TMEM267: variants seen among roughly 807,000 people sequenced by gnomAD.
TMEM267 encodes transmembrane protein C5orf28.
A neutral mutation model predicts 19.3 loss-of-function variants in TMEM267; 20 were observed. The ratio of observed to expected loss-of-function variants is 1.04; its 90% CI spans 0.73 to 1.51. The LOEUF (loss-of-function observed/expected upper bound fraction) is 1.51. TMEM267 is among the 40% of genes most tolerant of loss of function. The probability of loss-of-function intolerance (pLI) is 0.00; values close to 1 mark genes in which losing one functional copy is unlikely to be tolerated. For missense variants in TMEM267, 242 were observed against 261.9 expected (o/e 0.92, Z 0.52); for synonymous variants, 88 against 90.3 (o/e 0.97, Z 0.15).
At chr5:43,457,031 GAACA>G (rs1340078761) in intron 1 of TMEM267, among the ~76,000 whole-genome samples, 14 of 152,144 alleles carry the variant, frequency 9.2e-5, no homozygotes, top group Admixed American at 4.6e-4. Context: ...GAATAAAAAG[GAACA>G]AACATGTGAT....
At chr5:43,469,678 C>T (rs971577790) in intron 1 of TMEM267, among the ~76,000 whole-genome samples, 9 of 152,148 alleles carry the variant, frequency 5.9e-5, no homozygotes, top group African/African-American at 2.2e-4. Context: ...AAATAAATCT[C>T]GGGACCCTGA....
intron 2 of TMEM267, among the ~76,000 whole-genome samples, chr5:43,450,036 C>T (rs1288890048): frequency 1.3e-5 from 2 of 151,744 alleles, no homozygotes; most frequent in Non-Finnish European, 2.9e-5. Context: ...GTCTCAAAGC[C>T]CAGGCTGGAG....
In TMEM267 at chr5:43,453,944, T is replaced by C. The variant is rs774653322; in HGVS notation, c.26A>G (p.His9Arg). 2 of 1,613,850 alleles carry C rather than the reference T, an allele frequency of 1.2e-6. No homozygotes were observed. The highest frequency in any genetic ancestry group is 1.1e-5 in the South Asian group (1 of 91,082). Residue 9 changes from histidine (H) to arginine (R), a missense_variant, in exon 2 of 3, where the codon CAT (histidine) becomes CGT (arginine). By Grantham distance (29) the His-to-Arg change is conservative. Coordinates refer to ENST00000397080, the MANE Select transcript of TMEM267 (RefSeq NM_022483.5). ...AGTGCTACAAGTCTGCAGTAAAGCA[T>C]GGGTCTTTTCAGTCTCGGATGCCAT... MASETEKT[H>R]ALLQTCSTES...
intron 1 of TMEM267, among the ~76,000 whole-genome samples, chr5:43,482,698 G>T (rs1289022337): frequency 1.3e-5 from 2 of 152,152 alleles, no homozygotes; most frequent in Non-Finnish European, 2.9e-5. Flanking sequence ...TCCTCCCTAT[G>T]ACTCGCAGAA....
chr5:43,463,667 C>T (rs866581946), intron 1 of TMEM267, among the ~76,000 whole-genome samples: 7 of 152,266 alleles, frequency 4.6e-5, no homozygotes, highest in Non-Finnish European at 7.4e-5. Flanking sequence ...AATCAATAAA[C>T]GTAATCCAGC....
At chr5:43,454,159 C>G (rs1742791167) in intron 1 of TMEM267, 116 bp from the exon 2 acceptor site, 1 of 609,956 alleles carries the variant, frequency 1.6e-6, no homozygotes, top group South Asian at 2.9e-5. Flanking sequence ...TAAATACTGG[C>G]AACTTTTACA....
rs1743406591 is a variant in TMEM267, at chr5:43,463,462, C to A, written c.-74-9419G>T. Among the ~76,000 whole-genome samples the A allele has an allele frequency of 2.0e-5, 3 of 152,186 alleles. No individual in the cohort carries two copies. The South Asian group carries it at 6.2e-4, about 32-fold the overall frequency. On this transcript the variant is annotated intron_variant, in intron 1 of 2. Coordinates refer to ENST00000397080, the MANE Select transcript of TMEM267 (RefSeq NM_022483.5). ...TATGAGGCCAGCATCATCCTGATAC[C>A]AAAGCCTGGCAGAGACACAACCAAA...
At chr5:43,466,154 A>G (rs1743658395) in intron 1 of TMEM267, among the ~76,000 whole-genome samples, 1 of 152,160 alleles carries the variant, frequency 6.6e-6, no homozygotes. Context: ...AAGCTTGTAG[A>G]ACACCAAGTA....
intron 1 of TMEM267, among the ~76,000 whole-genome samples, chr5:43,467,388 G>A (rs560506389): frequency 2.0e-4 from 30 of 152,132 alleles, no homozygotes; most frequent in African/African-American, 7.0e-4. Flanking sequence ...GTGAAGGGAT[G>A]GGAAAAGATA....
At chr5:43,482,691 T>A (rs928075165) in intron 1 of TMEM267, among the ~76,000 whole-genome samples, 2 of 152,174 alleles carry the variant, frequency 1.3e-5, no homozygotes, top group Admixed American at 6.5e-5. Context: ...TATAAATTCC[T>A]CCCTATGACT....
At chr5:43,468,370 G>C (rs970574026) in intron 1 of TMEM267, among the ~76,000 whole-genome samples, 4 of 152,130 alleles carry the variant, frequency 2.6e-5, no homozygotes, top group Non-Finnish European at 4.4e-5. Flanking sequence ...GCTTGCACAA[G>C]TTAAGTCCTT....
Position 43,453,690 on chromosome 5 carries a change from G to T in TMEM267, c.280C>A (p.His94Asn), listed in dbSNP as rs150067423. Residue 94 changes from histidine (H) to asparagine (N), a missense_variant, in exon 2 of 3, where the codon CAC becomes AAC. Coordinates refer to ENST00000397080, the MANE Select transcript of TMEM267 (RefSeq NM_022483.5). ...GACATGGATCCAGCTAGAAAAAAGT[G>T]GTCTACATCAATAACAGAGGCTAAA... ...GFLASVIDVD[H>N]FFLAGSMSLK... 21 of 1,613,782 alleles carry T rather than the reference G, an allele frequency of 1.3e-5. No individual in the cohort carries two copies. The highest frequency in any genetic ancestry group is 1.7e-5 in the Non-Finnish European group (20 of 1,179,894).
intron 2 of TMEM267, among the ~76,000 whole-genome samples, chr5:43,449,884 T>G (rs556068177): frequency 2.6e-5 from 4 of 152,368 alleles, no homozygotes; most frequent in African/African-American, 9.6e-5. Flanking sequence ...ATACTGATTC[T>G]TTACACTCTT....
At chr5:43,451,743 A>G (rs1259959636) in intron 2 of TMEM267, among the ~76,000 whole-genome samples, 2 of 152,126 alleles carry the variant, frequency 1.3e-5, no homozygotes, top group Non-Finnish European at 2.9e-5. Context: ...CAATCCCACT[A>G]CTGAATAGCT....
Position 43,445,119 on chromosome 5 carries a change from TTAA to T in TMEM267, c.*1100_*1102del, listed in dbSNP as rs1718252240. ...AGCAGGTACCTTTAGGGCACTGACT[TTAA>T]TAAACTGTGCAAATATAAGATGTAT... is the stretch of plus-strand genomic sequence containing the variant. On this transcript the variant is annotated 3_prime_UTR_variant, in exon 3 of 3. Transcript: ENST00000397080. The T allele has an allele frequency of 6.6e-6, 1 of 152,166 alleles. No individual in the cohort carries two copies. Among genetic ancestry groups the T allele is most frequent in the African/African-American group, 2.4e-5 (1 of 41,454 alleles). 9.4% of individuals were successfully genotyped at this position (152,166 alleles called of 1,614,324 possible).
At chr5:43,450,911 T>C (rs781428018) in intron 2 of TMEM267, among the ~76,000 whole-genome samples, 5 of 152,168 alleles carry the variant, frequency 3.3e-5, no homozygotes, top group Non-Finnish European at 5.9e-5. Context: ...CTTGGCTCAT[T>C]GCAACCTCCA....
intron 1 of TMEM267, among the ~76,000 whole-genome samples, chr5:43,476,508 CTTTTTTTT>C (rs67848213): frequency 1.5e-4 from 8 of 54,798 alleles, no homozygotes; most frequent in Admixed American, 6.5e-4. Flanking sequence ...AAAGCCAGAC[CTTTTTTTT>C]TTTTTTTTTT....
At chr5:43,454,189 C>A in intron 1 of TMEM267, 146 bp from the exon 2 acceptor site, 3 of 425,666 alleles carry the variant, frequency 7.0e-6, no homozygotes, top group Non-Finnish European at 8.1e-6. Context: ...TAATATGTCA[C>A]ATAGCCCAAG....
intron 1 of TMEM267, among the ~76,000 whole-genome samples, chr5:43,479,249 TTG>T (rs1396316245): frequency 1.3e-5 from 2 of 152,024 alleles, no homozygotes; most frequent in African/African-American, 4.8e-5. Context: ...AATTACATTT[TTG>T]TTAAAAAATA....
Sources: gnomAD v4.1 joint callset for allele counts (sites outside exome capture counted in the v4.1 genomes callset) on GRCh38, gnomAD v4.1.1 for gene constraint, MANE v1.5 for transcripts, NCBI Gene and HGNC (gene_info 2026-07-23, HGNC 2026-07-21) for gene names.